Variants in ZBTB20 observed in about 807,000 individuals in gnomAD.
ZBTB20 encodes the protein zinc finger and BTB domain-containing protein 20.
Under a neutral mutation model 56.9 loss-of-function variants are expected in ZBTB20, and 9 were observed. The ratio of observed to expected loss-of-function variants is 0.16; its 90% CI spans 0.10 to 0.28. The LOEUF (loss-of-function observed/expected upper bound fraction) is 0.28. Ranked by LOEUF, ZBTB20 falls within the 10% of genes least tolerant of loss-of-function variation. The pLI is 1.00. For synonymous variants in ZBTB20, 417 were observed against 420.7 expected (o/e 0.99, Z 0.11); for missense variants, 655 against 1,003.0 (o/e 0.65, Z 4.69).
chr3:114,809,283 C>T (rs1471608533), intron 4 of ZBTB20, among the ~76,000 whole-genome samples: 1 of 152,028 alleles, frequency 6.6e-6, no homozygotes, highest in Non-Finnish European at 1.5e-5. Context: ...TTCTTTCTTT[C>T]CTCCTCTTCT....
At chr3:115,018,903 T>C (rs774038766) in intron 2 of ZBTB20, among the ~76,000 whole-genome samples, 6 of 151,320 alleles carry the variant, frequency 4.0e-5, no homozygotes, top group Non-Finnish European at 7.4e-5. Context: ...TTTTTTTGGC[T>C]CTTCATATCA....
At chr3:114,880,335 C>T (rs1014865642) in intron 4 of ZBTB20, among the ~76,000 whole-genome samples, 2 of 152,068 alleles carry the variant, frequency 1.3e-5, no homozygotes, top group Non-Finnish European at 2.9e-5. Flanking sequence ...ATCTCTTAGA[C>T]AAAAACATCA....
chr3:115,130,279 T>C (rs1300777375), intron 1 of ZBTB20, among the ~76,000 whole-genome samples: 1 of 152,216 alleles, frequency 6.6e-6, no homozygotes, highest in Non-Finnish European at 1.5e-5. Context: ...GTACCTGTAA[T>C]CTATTAGGTC....
intron 6 of ZBTB20, among the ~76,000 whole-genome samples, chr3:114,517,400 C>G (rs1453505943): frequency 6.6e-6 from 1 of 151,988 alleles, no homozygotes; most frequent in African/African-American, 2.4e-5. Context: ...AATCACTGAA[C>G]AAAGCTTGGA....
At chr3:115,035,317 T>C (rs1024813198) in intron 2 of ZBTB20, among the ~76,000 whole-genome samples, 1 of 152,104 alleles carries the variant, frequency 6.6e-6, no homozygotes, top group Non-Finnish European at 1.5e-5. Flanking sequence ...AAGTCTCATA[T>C]TGGATAAGGG....
chr3:114,725,148 C>T (rs879775322), intron 5 of ZBTB20, among the ~76,000 whole-genome samples: 5 of 152,136 alleles, frequency 3.3e-5, no homozygotes, highest in Admixed American at 3.3e-4. Flanking sequence ...TGGAAGAGAC[C>T]ATGCTTTCTA....
At chr3:114,987,128 AATAC>A (rs2078580555) in intron 2 of ZBTB20, among the ~76,000 whole-genome samples, 1 of 152,178 alleles carries the variant, frequency 6.6e-6, no homozygotes, top group Non-Finnish European at 1.5e-5. Flanking sequence ...AAAATGAGAA[AATAC>A]ATAAAGTAAG....
At chr3:115,103,323 G>C (rs962304438) in intron 1 of ZBTB20, among the ~76,000 whole-genome samples, 8 of 152,172 alleles carry the variant, frequency 5.3e-5, no homozygotes, top group African/African-American at 1.9e-4. Context: ...ATCCCAGAAA[G>C]TTATTTTGTG....
At chr3:114,617,536 T>C (rs1008836369) in intron 6 of ZBTB20, among the ~76,000 whole-genome samples, 1 of 152,228 alleles carries the variant, frequency 6.6e-6, no homozygotes, top group African/African-American at 2.4e-5. Context: ...TTACCCCAAC[T>C]TGTTTCCCTA....
In ZBTB20 at chr3:115,078,613, G is replaced by GTGTGTATA. The variant is rs769630983; in HGVS notation, c.-702-7200_-702-7199insTATACACA. Among the ~76,000 whole-genome samples, 206 of 137,808 alleles carry GTGTGTATA rather than the reference G, an allele frequency of 1.5e-3. 1 individual carries two copies. The highest frequency in any genetic ancestry group is 2.9e-3 in the African/African-American group (103 of 35,442). The allele number at this position is 137,808 out of a possible 152,430, so 90.4% of individuals were successfully genotyped here. A position where few individuals can be genotyped will look rare whatever the true frequency, so the allele number is the denominator to read the frequency against. Reference sequence around the variant, plus strand: ...TAAGAATATGTGTGTGTGTGTGTGTGTATATATATATATATATATATATAT... The same window carrying GTGTGTATA: ...TAAGAATATGTGTGTGTGTGTGTGTGTGTGTATATATATATATATATATATATATATAT... On this transcript the variant is annotated intron_variant, in intron 1 of 11. Transcript: ENST00000675478.
At chr3:114,793,958 T>G (rs2071167241) in intron 5 of ZBTB20, among the ~76,000 whole-genome samples, 1 of 151,968 alleles carries the variant, frequency 6.6e-6, no homozygotes, top group Admixed American at 6.6e-5. Context: ...TTTTTCAGTC[T>G]TTTAGACATT....
At chr3:114,937,901 G>A (rs963816487) in intron 3 of ZBTB20, among the ~76,000 whole-genome samples, 1 of 151,968 alleles carries the variant, frequency 6.6e-6, no homozygotes, top group Non-Finnish European at 1.5e-5. Context: ...ATCAAGACCA[G>A]CCTGGCTAAC....
chr3:115,016,580 T>C (rs1193270512), intron 2 of ZBTB20, among the ~76,000 whole-genome samples: 9 of 151,860 alleles, frequency 5.9e-5, no homozygotes, highest in Non-Finnish European at 1.5e-5. Context: ...CCTTTCCCCA[T>C]TGCTTGTTTT....
intron 5 of ZBTB20, among the ~76,000 whole-genome samples, chr3:114,732,689 A>G (rs1309000610): frequency 1.3e-5 from 2 of 152,150 alleles, no homozygotes; most frequent in Non-Finnish European, 2.9e-5. Flanking sequence ...TTATTTTCCC[A>G]TGAAGACTTT....
intron 1 of ZBTB20, among the ~76,000 whole-genome samples, chr3:115,138,532 TC>T (rs1286223803): frequency 1.3e-5 from 2 of 152,074 alleles, no homozygotes; most frequent in Non-Finnish European, 2.9e-5. Flanking sequence ...GTTAAAATCG[TC>T]CCAGAATAGT....
At position 115,116,659 on chromosome 3, in the gene ZBTB20, C is replaced by A. The variant is rs946602205; in HGVS notation, c.-703+30560G>T. Among the ~76,000 whole-genome samples the A allele has an allele frequency of 4.0e-5, 6 of 151,892 alleles. No individual in the cohort carries two copies. In the East Asian group the frequency reaches 1.2e-3, roughly 29 times the overall value. ...AATTCTTGAGTATGGCGTCTACACA[C>A]AATGAGCATTTGATAAATATTAGTT... On this transcript the variant is annotated intron_variant, in intron 1 of 11. Coordinates refer to ENST00000675478, the MANE Select transcript of ZBTB20 (RefSeq NM_001348800.3).
intron 7 of ZBTB20, among the ~76,000 whole-genome samples, chr3:114,392,123 A>T (rs2085933324): frequency 6.6e-6 from 1 of 152,254 alleles, no homozygotes; most frequent in African/African-American, 2.4e-5. Context: ...AGAAATAATT[A>T]TGACAATACT....
intron 6 of ZBTB20, among the ~76,000 whole-genome samples, chr3:114,657,943 T>A (rs1418948426): frequency 2.0e-5 from 3 of 152,144 alleles, no homozygotes; most frequent in Non-Finnish European, 4.4e-5. Context: ...AAAATTGTGG[T>A]TTTATGTTAG....
At chr3:114,712,088 G>A (rs1024575131) in intron 5 of ZBTB20, among the ~76,000 whole-genome samples, 29 of 152,274 alleles carry the variant, frequency 1.9e-4, no homozygotes, top group African/African-American at 6.7e-4. Flanking sequence ...ATTAAAGAAT[G>A]CCAGTATGAC....
Sources: allele counts gnomAD v4.1 joint callset (sites outside exome capture counted in the v4.1 genomes callset), GRCh38; gene constraint gnomAD v4.1.1; transcripts MANE v1.5; gene names NCBI Gene and HGNC (gene_info 2026-07-23, HGNC 2026-07-21).